The following PTPRT variants were observed in gnomAD, a reference collection of about 807,000 sequenced individuals.
PTPRT encodes receptor-type tyrosine-protein phosphatase T.
A neutral mutation model predicts 176.8 loss-of-function variants in PTPRT; 56 were observed. The observed-to-expected ratio is 0.32, with a 90% CI of 0.26 to 0.40. The LOEUF (loss-of-function observed/expected upper bound fraction) is 0.40, where lower values mean the gene tolerates loss of function less well. Ranked by LOEUF, PTPRT falls within the 10% of genes least tolerant of loss-of-function variation. PTPRT has a pLI of 1.00. For synonymous variants in PTPRT, 783 were observed against 739.0 expected, an observed-to-expected ratio of 1.06 and a Z score of -0.96; for missense variants, 1,540 against 1,908.2, an observed-to-expected ratio of 0.81 and a Z score of 3.60.
At chr20:42,651,014 T>G (rs1199598777) in intron 7 of PTPRT, among the ~76,000 whole-genome samples, 1 of 151,978 alleles carries the variant, frequency 6.6e-6, no homozygotes, top group Non-Finnish European at 1.5e-5. Context: ...CTTTATTCAC[T>G]CACTTTTCAA....
chr20:43,017,369 C>T (rs1365487462), intron 1 of PTPRT, among the ~76,000 whole-genome samples: 1 of 151,790 alleles, frequency 6.6e-6, no homozygotes, highest in Admixed American at 6.6e-5. Context: ...CTCTGTTTAC[C>T]CTCACCCTCC....
intron 1 of PTPRT, among the ~76,000 whole-genome samples, chr20:42,997,307 G>A (rs1347727945): frequency 6.6e-6 from 1 of 152,110 alleles, no homozygotes; most frequent in Non-Finnish European, 1.5e-5. Context: ...AAGTAATGCT[G>A]TATAACTTCT....
intron 5 of PTPRT, among the ~76,000 whole-genome samples, chr20:42,770,652 A>T (rs1292193170): frequency 6.6e-6 from 1 of 151,876 alleles, no homozygotes; most frequent in Non-Finnish European, 1.5e-5. Flanking sequence ...TCCCATAAAA[A>T]GCGACTCTCT....
chr20:42,266,286 T>C (rs1274844260), intron 13 of PTPRT, among the ~76,000 whole-genome samples: 1 of 152,072 alleles, frequency 6.6e-6, no homozygotes, highest in African/African-American at 2.4e-5. Flanking sequence ...AAATTGACAA[T>C]GGGCATGGGG....
chr20:42,062,535 C>T, the PTPRT span, among the ~76,000 whole-genome samples: 3 of 152,194 alleles, frequency 2.0e-5, no homozygotes, highest in Non-Finnish European at 4.4e-5. Flanking sequence ...AGAGTTGGAG[C>T]CATAATGACA....
chr20:42,169,332 A>C (rs1476167896), intron 16 of PTPRT, among the ~76,000 whole-genome samples: 1 of 152,130 alleles, frequency 6.6e-6, no homozygotes, highest in Admixed American at 6.5e-5. Flanking sequence ...TGATAAAGAG[A>C]TCAATCCTCC....
At position 42,827,746 on chromosome 20, in the gene PTPRT, G is replaced by A. The variant is rs1218797289; in HGVS notation, c.215-36280C>T. On this transcript the variant is annotated intron_variant, in intron 2 of 30. Transcript: ENST00000373187. Reference sequence around the variant, plus strand: ...CTCATAATAGTGTGTGAGTTCTCAAGAGATCTGATGGTTTTAAAGGAGATG... The same window carrying A: ...CTCATAATAGTGTGTGAGTTCTCAAAAGATCTGATGGTTTTAAAGGAGATG... 2.0e-5 allele frequency among the ~76,000 whole-genome samples: 3 copies of A among 152,036 alleles called. No homozygotes were observed. The East Asian group carries it at 5.8e-4, about 29-fold the overall frequency.
intron 7 of PTPRT, among the ~76,000 whole-genome samples, chr20:42,630,043 T>C (rs1248012847): frequency 6.6e-6 from 1 of 152,164 alleles, no homozygotes; most frequent in African/African-American, 2.4e-5. Flanking sequence ...AAGCTAAAGA[T>C]CTTGAGATGG....
chr20:42,319,375 A>G (rs1034700326), intron 11 of PTPRT, among the ~76,000 whole-genome samples: 3 of 151,810 alleles, frequency 2.0e-5, no homozygotes, highest in Non-Finnish European at 4.4e-5. Context: ...CTCTATCCCA[A>G]CCAACTCCAT....
chr20:43,017,522 C>T (rs1985435378), intron 1 of PTPRT, among the ~76,000 whole-genome samples: 2 of 152,300 alleles, frequency 1.3e-5, no homozygotes, highest in East Asian at 3.9e-4. Flanking sequence ...TCTGTTTGTC[C>T]CCACTTCTCC....
chr20:42,979,561 A>G (rs950440289), intron 1 of PTPRT, among the ~76,000 whole-genome samples: 2 of 152,160 alleles, frequency 1.3e-5, no homozygotes, highest in Non-Finnish European at 2.9e-5. Context: ...CAACTGAAAT[A>G]TCCTTAAGGT....
chr20:42,239,115 C>T (rs1391612751), intron 14 of PTPRT, among the ~76,000 whole-genome samples: 1 of 152,176 alleles, frequency 6.6e-6, no homozygotes, highest in Non-Finnish European at 1.5e-5. Flanking sequence ...ACCTCATCCA[C>T]AGAGATAAGG....
At chr20:43,074,389 T>C (rs1156418806) in intron 1 of PTPRT, among the ~76,000 whole-genome samples, 2 of 152,222 alleles carry the variant, frequency 1.3e-5, no homozygotes, top group African/African-American at 2.4e-5. Context: ...TTCCATTTCA[T>C]TAAAATGAAA....
intron 15 of PTPRT, among the ~76,000 whole-genome samples, chr20:42,235,230 G>A (rs192539183): frequency 3.3e-5 from 5 of 151,732 alleles, no homozygotes; most frequent in African/African-American, 9.7e-5. Flanking sequence ...CATGTTTTGA[G>A]CATCTCTGTT....
intron 6 of PTPRT, among the ~76,000 whole-genome samples, chr20:42,744,652 T>C (rs1362869788): frequency 6.6e-6 from 1 of 152,198 alleles, no homozygotes; most frequent in East Asian, 1.9e-4. Flanking sequence ...TAGTTTATTA[T>C]CACTTCAATA....
At chr20:43,152,385 A>G (rs1278246156) in intron 1 of PTPRT, among the ~76,000 whole-genome samples, 1 of 152,206 alleles carries the variant, frequency 6.6e-6, no homozygotes, top group Admixed American at 6.5e-5. Context: ...AAAAATACAT[A>G]TGAATTCATT....
chr20:42,848,037 G>A (rs2078406466), intron 2 of PTPRT, among the ~76,000 whole-genome samples: 2 of 151,232 alleles, frequency 1.3e-5, no homozygotes, highest in East Asian at 3.9e-4. Context: ...TTATGCCTTT[G>A]CATCCTCAGA....
intron 27 of PTPRT, among the ~76,000 whole-genome samples, chr20:42,097,740 T>C (rs1243203297): frequency 6.6e-6 from 1 of 152,308 alleles, no homozygotes; most frequent in South Asian, 2.1e-4. Flanking sequence ...TTTAAGGCAG[T>C]GAAAGGATAG....
intron 1 of PTPRT, chr20:42,969,395 C>A (rs142520608): frequency 3.5e-4 from 54 of 152,288 alleles, no homozygotes; most frequent in African/African-American, 1.2e-3. Context: ...AGCAGTTATG[C>A]CCACAAGGTA....
Sources: allele counts gnomAD v4.1 joint callset (sites outside exome capture counted in the v4.1 genomes callset), GRCh38; gene constraint gnomAD v4.1.1; transcripts MANE v1.5; gene names NCBI Gene and HGNC (gene_info 2026-07-23, HGNC 2026-07-21).